PRKN: variants seen among roughly 807,000 people sequenced by gnomAD.
The protein encoded by PRKN is parkin RBR E3 ubiquitin protein ligase.
PRKN carries 56 observed loss-of-function variants against 59.5 expected under a neutral mutation model. That is an observed-to-expected ratio of 0.94 (90% CI 0.76 to 1.18). The LOEUF is 1.18. PRKN is among the 50% of genes most tolerant of loss of function. The pLI is 0.00. For missense variants in PRKN, 657 were observed against 596.4 expected (o/e 1.10, Z -1.06); for synonymous variants, 250 against 222.1 (o/e 1.13, Z -1.12).
chr6:162,161,663 C>A (rs1292760834), intron 4 of PRKN, among the ~76,000 whole-genome samples: 1 of 152,048 alleles, frequency 6.6e-6, no homozygotes, highest in African/African-American at 2.4e-5. Flanking sequence ...ATGCTCACGG[C>A]TGGATGATCC....
Position 161,428,844 on chromosome 6 carries a change from C to A in PRKN, c.1084-41967G>T, listed in dbSNP as rs1192081659. Among the ~76,000 whole-genome samples, 1 of 152,212 alleles carries A rather than the reference C, an allele frequency of 6.6e-6. No homozygotes were observed. Among genetic ancestry groups the A allele is most frequent in the African/African-American group, 2.4e-5 (1 of 41,454 alleles). On this transcript the variant is annotated intron_variant, in intron 9 of 11. Coordinates refer to ENST00000366898, the MANE Select transcript of PRKN (RefSeq NM_004562.3). The surrounding 1 kb of genome is among the most constrained non-coding windows in gnomAD (Gnocchi z 4.0). ...CAGGCAGATGACTGTGTAAGTCCTACATGGCCACCCTGCCAGTGTTTCAAG... is the reference window on the plus strand; with the variant it reads ...CAGGCAGATGACTGTGTAAGTCCTAAATGGCCACCCTGCCAGTGTTTCAAG...
chr6:161,649,639 A>C (rs972523410), intron 7 of PRKN, among the ~76,000 whole-genome samples: 3 of 152,216 alleles, frequency 2.0e-5, no homozygotes, highest in Non-Finnish European at 4.4e-5. Flanking sequence ...TTCTGAAGTA[A>C]TATATTTCAA....
chr6:161,595,022 T>C (rs535171101), intron 7 of PRKN, among the ~76,000 whole-genome samples: 1 of 152,280 alleles, frequency 6.6e-6, no homozygotes, highest in African/African-American at 2.4e-5. Context: ...AATGTGACTG[T>C]ATTGGGTGGG....
chr6:161,389,719 G>A (rs1786420924), intron 9 of PRKN, among the ~76,000 whole-genome samples: 1 of 152,194 alleles, frequency 6.6e-6, no homozygotes. Context: ...AACTGGCAAT[G>A]GGGTCTCAGC....
intron 1 of PRKN, among the ~76,000 whole-genome samples, chr6:162,562,435 C>G (rs1308340334): frequency 6.6e-6 from 1 of 152,136 alleles, no homozygotes; most frequent in Non-Finnish European, 1.5e-5. Context: ...GATGGCATTT[C>G]TGGACCTGCC....
At chr6:161,772,321 T>A (rs1039970349) in intron 7 of PRKN, among the ~76,000 whole-genome samples, 3 of 152,230 alleles carry the variant, frequency 2.0e-5, no homozygotes, top group Non-Finnish European at 4.4e-5. Context: ...CTCAGGAAGA[T>A]ATAGCAGGCA....
chr6:161,607,598 T>C (rs1782329711), intron 7 of PRKN, among the ~76,000 whole-genome samples: 1 of 152,104 alleles, frequency 6.6e-6, no homozygotes, highest in Admixed American at 6.6e-5. Flanking sequence ...AGAAATCTCT[T>C]TGAAAGAAGA....
At chr6:161,639,128 T>C (rs1191295706) in intron 7 of PRKN, among the ~76,000 whole-genome samples, 1 of 152,166 alleles carries the variant, frequency 6.6e-6, no homozygotes, top group African/African-American at 2.4e-5. Context: ...CCTTCCGCCA[T>C]AAGTGTAAGT....
At chr6:162,724,506 G>A (rs942330820) in intron 1 of PRKN, among the ~76,000 whole-genome samples, 23 of 152,130 alleles carry the variant, frequency 1.5e-4, no homozygotes, top group African/African-American at 5.1e-4. Flanking sequence ...CCATCTTTAC[G>A]TTTCTCCTTA....
At position 161,373,750 on chromosome 6, in the gene PRKN, C is replaced by T. The variant is rs1337308755; in HGVS notation, c.1167+13044G>A. Among the ~76,000 whole-genome samples the T allele has an allele frequency of 6.6e-6, 1 of 151,898 alleles. No individual in the cohort carries two copies. The highest frequency in any genetic ancestry group is 1.5e-5 in the Non-Finnish European group (1 of 67,972). ...TAGAGCAGGTGAACCGTTTTCCTCA[C>T]ACATGGTCAACATGCTTTTCTGTGG... On this transcript the variant is annotated intron_variant, in intron 10 of 11. Coordinates refer to ENST00000366898, the MANE Select transcript of PRKN (RefSeq NM_004562.3). The surrounding 1 kb of genome is among the most constrained non-coding windows in gnomAD (Gnocchi z 4.8).
At chr6:162,431,927 T>G (rs1789550620) in intron 2 of PRKN, among the ~76,000 whole-genome samples, 1 of 152,176 alleles carries the variant, frequency 6.6e-6, no homozygotes, top group South Asian at 2.1e-4. Context: ...TAATACCCCT[T>G]GATATTTAAG....
At chr6:162,683,599 T>C (rs1779851004) in intron 1 of PRKN, among the ~76,000 whole-genome samples, 2 of 152,232 alleles carry the variant, frequency 1.3e-5, no homozygotes, top group Admixed American at 1.3e-4. Flanking sequence ...GGATGTTATT[T>C]TGGTATCTGA....
intron 10 of PRKN, among the ~76,000 whole-genome samples, chr6:161,366,981 CCT>C (rs1785227833): frequency 7.9e-6 from 1 of 126,940 alleles, no homozygotes; most frequent in Non-Finnish European, 1.6e-5. Context: ...TTTTTTGTTT[CCT>C]TTTTTTTTTT....
At chr6:161,418,365 T>A (rs1487910122) in intron 9 of PRKN, among the ~76,000 whole-genome samples, 1 of 152,192 alleles carries the variant, frequency 6.6e-6, no homozygotes, top group African/African-American at 2.4e-5. Context: ...GAACCCAGCA[T>A]TTTTAGAGAA....
chr6:161,707,537 C>A (rs551293237), intron 7 of PRKN, among the ~76,000 whole-genome samples: 19 of 152,238 alleles, frequency 1.2e-4, no homozygotes, highest in African/African-American at 4.6e-4. Flanking sequence ...TTTACATTTT[C>A]GACACAACAA....
chr6:162,707,510 T>C (rs559399288), intron 1 of PRKN, among the ~76,000 whole-genome samples: 2 of 152,278 alleles, frequency 1.3e-5, no homozygotes, highest in South Asian at 4.1e-4. Context: ...CTGGTTATCT[T>C]TGTATTGATT....
At chr6:162,251,964 T>C (rs1398891905) in intron 3 of PRKN, among the ~76,000 whole-genome samples, 1 of 152,220 alleles carries the variant, frequency 6.6e-6, no homozygotes, top group Non-Finnish European at 1.5e-5. Flanking sequence ...TGTATATCTG[T>C]AATATAATTT....
At chr6:162,467,320 T>C (rs1791470315) in intron 1 of PRKN, among the ~76,000 whole-genome samples, 1 of 152,148 alleles carries the variant, frequency 6.6e-6, no homozygotes, top group Non-Finnish European at 1.5e-5. Context: ...AATGAATGTG[T>C]AGTATACCAC....
intron 10 of PRKN, among the ~76,000 whole-genome samples, chr6:161,370,949 T>C (rs1785419216): frequency 6.6e-6 from 1 of 152,206 alleles, no homozygotes; most frequent in South Asian, 2.1e-4. Flanking sequence ...CCTTCCTGGC[T>C]CAGTCAAGCA....
Sources: gnomAD v4.1 joint callset for allele counts (sites outside exome capture counted in the v4.1 genomes callset) on GRCh38, gnomAD v4.1.1 for gene constraint, Gnocchi (gnomAD v3.1) non-coding constraint, MANE v1.5 for transcripts, NCBI Gene and HGNC (gene_info 2026-07-23, HGNC 2026-07-21) for gene names.